Variants in SOD2 observed in about 807,000 individuals in gnomAD.
The protein encoded by SOD2 is superoxide dismutase [Mn], mitochondrial.
Under a neutral mutation model 27.0 loss-of-function variants are expected in SOD2, and 11 were observed. The ratio of observed to expected loss-of-function variants is 0.41; its 90% CI spans 0.26 to 0.67. The LOEUF is 0.67. Among genes scored for constraint, SOD2 ranks in the 30% least tolerant of loss-of-function variants. SOD2 has a pLI of 0.34. For synonymous variants in SOD2, 105 were observed against 103.0 expected (o/e 1.02, Z -0.12); for missense variants, 250 against 274.5 (o/e 0.91, Z 0.63).
chr6:159,727,293 C>T, exon 1 of SOD2: 2 of 1,280,136 alleles, frequency 1.6e-6, no homozygotes, highest in Non-Finnish European at 2.0e-6. Context: ...GGTTCGGCGG[C>T]GGGCGAGTGA....
intron 1 of SOD2, among the ~76,000 whole-genome samples, chr6:159,725,434 T>C (rs1231453729): frequency 1.3e-5 from 2 of 150,724 alleles, no homozygotes; most frequent in Non-Finnish European, 2.9e-5. Flanking sequence ...TGAGCTGAGA[T>C]TGCACCACTG....
intron 1 of SOD2, chr6:159,743,743 T>C: frequency 6.2e-7 from 1 of 1,613,610 alleles, no homozygotes; most frequent in Non-Finnish European, 8.5e-7. Context: ...AGGGAAAACA[T>C]CCTTGTAATG....
intron 1 of SOD2, among the ~76,000 whole-genome samples, chr6:159,706,428 C>T: frequency 6.6e-6 from 1 of 152,126 alleles, no homozygotes; most frequent in Non-Finnish European, 1.5e-5. Flanking sequence ...GGAAGATCTA[C>T]CCAGCAAGTG....
At chr6:159,755,427 A>C in intron 1 of SOD2, 1 of 1,614,192 alleles carries the variant, frequency 6.2e-7, no homozygotes, top group Non-Finnish European at 8.5e-7. Context: ...AGTGCGGGGT[A>C]TGAAAGTGTA....
At chr6:159,760,718 A>G (rs1780105872) in intron 1 of SOD2, 1 of 152,320 alleles carries the variant, frequency 6.6e-6, no homozygotes, top group African/African-American at 2.4e-5. Context: ...GCAAAGTAGG[A>G]GCCTTGGGGA....
chr6:159,728,029 G>A (rs1459475483), upstream of SOD2, among the ~76,000 whole-genome samples: 1 of 152,104 alleles, frequency 6.6e-6, no homozygotes, highest in Non-Finnish European at 1.5e-5. Context: ...CTCGCCTCGG[G>A]GTCGCCCCCT....
chr6:159,713,345 C>T, intron 1 of SOD2: 1 of 655,420 alleles, frequency 1.5e-6, no homozygotes, highest in South Asian at 1.9e-5. Flanking sequence ...GCTATTACAC[C>T]TCAGCCAGCC....
intron 1 of SOD2, among the ~76,000 whole-genome samples, chr6:159,706,437 T>C (rs374190099): frequency 3.9e-5 from 6 of 152,066 alleles, no homozygotes; most frequent in Non-Finnish European, 5.9e-5. Context: ...ACCCAGCAAG[T>C]GGAATACAAA....
chr6:159,746,273 T>G (rs1779567998), upstream of SOD2, among the ~76,000 whole-genome samples: 1 of 152,136 alleles, frequency 6.6e-6, no homozygotes, highest in South Asian at 2.1e-4. Context: ...AGTGATGTAC[T>G]ATAGGAGTTT....
chr6:159,712,732 C>T (rs1174552863), intron 1 of SOD2: 17 of 424,896 alleles, frequency 4.0e-5, no homozygotes, highest in Middle Eastern at 3.7e-4. Flanking sequence ...AACCACCACT[C>T]ACACTACTCA....
chr6:159,748,879 A>T (rs527705015), upstream of SOD2: 46 of 1,199,466 alleles, frequency 3.8e-5, no homozygotes, highest in African/African-American at 4.7e-5. This position sits in a 1 kb window ranked among gnomAD's most constrained non-coding sequence, Gnocchi z 5.6. Context: ...AGTTTTGCCA[A>T]TAAGACTGTG....
At chr6:159,683,784 T>C (rs1055799278) in intron 4 of SOD2, among the ~76,000 whole-genome samples, 2 of 152,202 alleles carry the variant, frequency 1.3e-5, no homozygotes, top group Admixed American at 1.3e-4. Flanking sequence ...TACAAATTTT[T>C]TGTGGCTTTT....
chr6:159,743,071 A>G (rs1779358239), intron 1 of SOD2, among the ~76,000 whole-genome samples: 2 of 152,076 alleles, frequency 1.3e-5, no homozygotes, highest in African/African-American at 2.4e-5. Context: ...TGTTTGAGAC[A>G]GGGTCTCGCA....
At chr6:159,709,808 A>T (rs1333715995) in intron 1 of SOD2, among the ~76,000 whole-genome samples, 2 of 152,204 alleles carry the variant, frequency 1.3e-5, no homozygotes, top group Non-Finnish European at 1.5e-5. Context: ...CTATAAAGAC[A>T]CATTCACACG....
intron 2 of SOD2, among the ~76,000 whole-genome samples, chr6:159,688,798 T>G (rs1309483294): frequency 1.3e-5 from 2 of 152,100 alleles, no homozygotes; most frequent in Non-Finnish European, 2.9e-5. Context: ...CTCCTCTCCC[T>G]TCACCCCACA....
chr6:159,723,634 ACTGTTC>A (rs1219756227), intron 1 of SOD2, among the ~76,000 whole-genome samples: 3 of 152,226 alleles, frequency 2.0e-5, no homozygotes, highest in African/African-American at 7.2e-5. Context: ...TTCAGCCAGG[ACTGTTC>A]CAGTTTTAAT....
In SOD2 at chr6:159,693,206, G is replaced by C. The variant is rs1428866090; in HGVS notation, c.-39C>G. On this transcript the variant is annotated 5_prime_UTR_variant, in exon 1 of 5. Coordinates refer to ENST00000538183, the MANE Select transcript of SOD2 (RefSeq NM_000636.4). ...GTGCTACCGCTGATGCCGCCGATCT[G>C]CTGAAGCCGCTGCCGAAGCCACCAC... 2 of 1,506,676 alleles carry C rather than the reference G, an allele frequency of 1.3e-6. No individual in the cohort carries two copies. The highest frequency in any genetic ancestry group is 1.8e-6 in the Non-Finnish European group (2 of 1,123,466). 93.3% of individuals were successfully genotyped at this position (1,506,676 alleles called of 1,614,324 possible).
chr6:159,721,075 AT>A (rs1170952564), intron 1 of SOD2, among the ~76,000 whole-genome samples: 12 of 132,986 alleles, frequency 9.0e-5, no homozygotes, highest in South Asian at 4.8e-4. Context: ...ATATTTTTTA[AT>A]TTTTTTTTTG....
rs559128404 is a variant in SOD2, at chr6:159,755,723, G to T, written c.-336+5314C>A. On this transcript the variant is annotated intron_variant, in intron 1 of 7. Coordinates refer to the SOD2 transcript ENST00000546087. ...TGCCTTTTTGTGGGTGTACGTTTTG[G>T]TTTTTTTTTGTTGTTTTTTTTCTTT... is the stretch of plus-strand genomic sequence containing the variant. The T allele has an allele frequency of 1.4e-4, 115 of 834,782 alleles. No individual in the cohort carries two copies. In the Middle Eastern group the frequency reaches 3.2e-3, roughly 23 times the overall value. The allele number at this position is 834,782 out of a possible 1,614,324, so 51.7% of individuals were successfully genotyped here. A position where few individuals can be genotyped will look rare whatever the true frequency, so the allele number is the denominator to read the frequency against.
Sources: gnomAD v4.1 joint callset for allele counts (sites outside exome capture counted in the v4.1 genomes callset) on GRCh38, gnomAD v4.1.1 for gene constraint, Gnocchi (gnomAD v3.1) non-coding constraint, MANE v1.5 for transcripts, NCBI Gene and HGNC (gene_info 2026-07-23, HGNC 2026-07-21) for gene names.